Variants in RGS6 observed in about 807,000 individuals in gnomAD.
The protein encoded by RGS6 is regulator of G protein signaling 6, also known as regulator of G-protein signaling 6.
A neutral mutation model predicts 78.5 loss-of-function variants in RGS6; 30 were observed. The ratio of observed to expected loss-of-function variants is 0.38; its 90% CI spans 0.29 to 0.52. RGS6 has a LOEUF of 0.52. RGS6 is among the 20% of genes least tolerant of loss of function. RGS6 has a pLI of 0.85. For missense variants in RGS6, 495 were observed against 609.7 expected (o/e 0.81, Z 1.98); for synonymous variants, 206 against 206.0 (o/e 1.00, Z 0.00).
At chr14:72,541,104 C>T in intron 17 of RGS6, 1 of 1,360,320 alleles carries the variant, frequency 7.4e-7, no homozygotes, top group Non-Finnish European at 9.7e-7. Context: ...CAGAGGGAAC[C>T]AGGGAGCAGG....
intron 2 of RGS6, among the ~76,000 whole-genome samples, chr14:72,219,206 A>T (rs928573901): frequency 2.6e-5 from 4 of 152,084 alleles, no homozygotes; most frequent in African/African-American, 9.7e-5. Flanking sequence ...GACTGGGAAC[A>T]TGCATGCTGG....
At chr14:72,476,929 C>A in intron 11 of RGS6, 89 bp downstream of exon 11, 2 of 1,183,682 alleles carry the variant, frequency 1.7e-6, no homozygotes, top group South Asian at 1.4e-5. Context: ...ATTGAGCAAG[C>A]TTTGAGTTCC....
At chr14:72,196,417 C>T (rs923774069) in intron 2 of RGS6, among the ~76,000 whole-genome samples, 15 of 152,184 alleles carry the variant, frequency 9.9e-5, no homozygotes, top group African/African-American at 3.4e-4. Context: ...TGTCCCCCAT[C>T]GGGTGGGAGG....
chr14:72,035,641 A>G (rs2091588690), intron 2 of RGS6, among the ~76,000 whole-genome samples: 1 of 152,014 alleles, frequency 6.6e-6, no homozygotes, highest in Admixed American at 6.6e-5. Context: ...TGCATCCTAT[A>G]TGTTTTGCAA....
chr14:72,587,912 G>A, the RGS6 span, among the ~76,000 whole-genome samples: 3 of 152,176 alleles, frequency 2.0e-5, no homozygotes, highest in Non-Finnish European at 4.4e-5. Context: ...CATCCCAAAA[G>A]CTTCCAACAA....
intron 2 of RGS6, among the ~76,000 whole-genome samples, chr14:72,222,716 G>C (rs1456058416): frequency 6.6e-6 from 1 of 152,194 alleles, no homozygotes; most frequent in Non-Finnish European, 1.5e-5. Flanking sequence ...AGTACAATAA[G>C]ATGTACATCT....
chr14:72,144,386 C>G (rs763682677), intron 2 of RGS6, among the ~76,000 whole-genome samples: 3 of 152,150 alleles, frequency 2.0e-5, no homozygotes, highest in Non-Finnish European at 4.4e-5. Context: ...CCCTTTCCCC[C>G]GATGAATGTT....
chr14:72,507,934 G>T (rs2096829372), intron 13 of RGS6, among the ~76,000 whole-genome samples: 1 of 152,200 alleles, frequency 6.6e-6, no homozygotes, highest in Non-Finnish European at 1.5e-5. Context: ...TTTACTGCCA[G>T]CCTCAACCCC....
At chr14:72,088,007 T>C (rs1243516218) in intron 2 of RGS6, among the ~76,000 whole-genome samples, 1 of 152,126 alleles carries the variant, frequency 6.6e-6, no homozygotes, top group Admixed American at 6.6e-5. Context: ...CAGATGAGAA[T>C]GGGAGAGCCA....
intron 2 of RGS6, among the ~76,000 whole-genome samples, chr14:72,144,130 A>G (rs778161789): frequency 2.0e-5 from 3 of 152,218 alleles, no homozygotes; most frequent in Non-Finnish European, 4.4e-5. Context: ...GAGAGCCATC[A>G]TGCTTCCTGG....
intron 2 of RGS6, among the ~76,000 whole-genome samples, chr14:72,107,477 A>G (rs565392563): frequency 8.0e-4 from 122 of 152,214 alleles, no homozygotes; most frequent in Non-Finnish European, 1.4e-3. Context: ...TTCTCTGAGA[A>G]TGCACCCTGC....
At chr14:72,525,505 G>T (rs1054497798) in intron 15 of RGS6, among the ~76,000 whole-genome samples, 1 of 152,154 alleles carries the variant, frequency 6.6e-6, no homozygotes, top group East Asian at 1.9e-4. Context: ...GTCCACATCC[G>T]CCATGAGCAG....
Position 72,530,923 on chromosome 14 carries a change from G to A in RGS6, c.1279-5263G>A, listed in dbSNP as rs561988454. Reference sequence around the variant, plus strand: ...ACTTGCTGAACATTAAATTCCAACCGGCATTTCAGTGAACATGTATATTCG... The same window carrying A: ...ACTTGCTGAACATTAAATTCCAACCAGCATTTCAGTGAACATGTATATTCG... On this transcript the variant is annotated intron_variant, in intron 15 of 17. Transcript: ENST00000553525. 7.2e-5 allele frequency among the ~76,000 whole-genome samples: 11 copies of A among 152,274 alleles called. No individual in the cohort carries two copies. The South Asian group carries it at 1.5e-3, about 20-fold the overall frequency.
intron 2 of RGS6, among the ~76,000 whole-genome samples, chr14:72,207,330 A>G (rs959512095): frequency 4.6e-5 from 7 of 152,270 alleles, no homozygotes; most frequent in South Asian, 4.2e-4. Flanking sequence ...AATGACTTCA[A>G]TGTTATGGTT....
chr14:72,251,165 T>G (rs1017029371), intron 2 of RGS6, among the ~76,000 whole-genome samples: 1 of 152,160 alleles, frequency 6.6e-6, no homozygotes, highest in African/African-American at 2.4e-5. Flanking sequence ...TATGGGACGG[T>G]AAGGGGCAGA....
At chr14:72,074,440 C>A (rs370531098) in intron 2 of RGS6, among the ~76,000 whole-genome samples, 28 of 152,318 alleles carry the variant, frequency 1.8e-4, no homozygotes, top group African/African-American at 6.7e-4. Context: ...TCAAGCAATT[C>A]TCTTGCCTTG....
At chr14:72,241,796 C>A (rs974921226) in intron 2 of RGS6, among the ~76,000 whole-genome samples, 1 of 152,180 alleles carries the variant, frequency 6.6e-6, no homozygotes, top group Non-Finnish European at 1.5e-5. Context: ...GAACATTGTT[C>A]AAGTTCTTGA....
chr14:72,073,613 C>T (rs184586819), intron 2 of RGS6, among the ~76,000 whole-genome samples: 1 of 152,262 alleles, frequency 6.6e-6, no homozygotes, highest in Non-Finnish European at 1.5e-5. Context: ...CTTAGACATG[C>T]CAGTTCACCT....
Position 72,534,161 on chromosome 14 carries a change from T to C in RGS6, c.1279-2025T>C, listed in dbSNP as rs533889662. Among the ~76,000 whole-genome samples, 11 of 152,320 alleles carry C rather than the reference T, an allele frequency of 7.2e-5. No individual in the cohort carries two copies. The East Asian group carries it at 1.5e-3, about 21-fold the overall frequency. ...CAATCACCACCCTAATCAGTCAGTA[T>C]CCAACAATGTCAAGACAAGACCCTC... On this transcript the variant is annotated intron_variant, in intron 15 of 17. Coordinates refer to ENST00000553525, the MANE Select transcript of RGS6 (RefSeq NM_001204424.2).
Sources: allele counts gnomAD v4.1 joint callset (sites outside exome capture counted in the v4.1 genomes callset), GRCh38; gene constraint gnomAD v4.1.1; transcripts MANE v1.5; gene names NCBI Gene and HGNC (gene_info 2026-07-23, HGNC 2026-07-21).